TRDN: variants seen among roughly 807,000 people sequenced by gnomAD.
TRDN encodes the protein triadin, also known as triadin in skeletal muscle.
A neutral mutation model predicts 149.7 loss-of-function variants in TRDN; 161 were observed. The ratio of observed to expected loss-of-function variants is 1.08; its 90% CI spans 0.95 to 1.23. The LOEUF is 1.23. TRDN is among the 50% of genes most tolerant of loss of function. The pLI is 0.00. For missense variants in TRDN, 896 were observed against 823.5 expected (o/e 1.09, Z -1.08); for synonymous variants, 294 against 250.5 (o/e 1.17, Z -1.64).
intron 24 of TRDN, among the ~76,000 whole-genome samples, chr6:123,287,102 G>A (rs1777829716): frequency 1.3e-5 from 2 of 152,070 alleles, no homozygotes; most frequent in African/African-American, 4.8e-5. Context: ...AGAGTGCAAA[G>A]AGGTCTTAAT....
At chr6:123,560,860 A>G (rs1363879223) in intron 2 of TRDN, among the ~76,000 whole-genome samples, 3 of 152,166 alleles carry the variant, frequency 2.0e-5, no homozygotes, top group Non-Finnish European at 4.4e-5. Flanking sequence ...TCCGCCTTTT[A>G]GAACCTCTCA....
rs1562237485 is a variant in TRDN, at chr6:123,266,447, G to GATATGTATTATATATAATATATAT, written c.1784-1110_1784-1109insATATATATTATATATAATACATAT. On this transcript the variant is annotated intron_variant, in intron 32 of 40. Transcript: ENST00000334268. The stretch of plus-strand genomic sequence containing the variant: ...TGATATGTATTATATATAATATATA[G>GATATGTATTATATATAATATATAT]ATTATGATATGTATTATATATAATA... Among the ~76,000 whole-genome samples, 32 of 40,772 alleles carry GATATGTATTATATATAATATATAT rather than the reference G, an allele frequency of 7.8e-4. 12 individuals are homozygous for GATATGTATTATATATAATATATAT. The highest frequency in any genetic ancestry group is 9.0e-4 in the Non-Finnish European group (26 of 28,866). The allele number at this position is 40,772 out of a possible 152,430, so 26.7% of individuals were successfully genotyped here.
intron 12 of TRDN, among the ~76,000 whole-genome samples, chr6:123,427,883 A>T (rs1450745634): frequency 1.3e-5 from 2 of 152,194 alleles, no homozygotes; most frequent in Non-Finnish European, 2.9e-5. Flanking sequence ...TAGTGAATGA[A>T]ACCTGCAATT....
At chr6:123,536,908 A>C (rs1780572566) in intron 4 of TRDN, among the ~76,000 whole-genome samples, 1 of 151,822 alleles carries the variant, frequency 6.6e-6, no homozygotes, top group Admixed American at 6.6e-5. Context: ...AATAAAAGAG[A>C]AAACAGAAAA....
At chr6:123,585,381 C>T (rs1464101182) in intron 1 of TRDN, among the ~76,000 whole-genome samples, 1 of 151,922 alleles carries the variant, frequency 6.6e-6, no homozygotes, top group African/African-American at 2.4e-5. Context: ...CATCAATACC[C>T]ACAACAGTTA....
chr6:123,471,277 A>C (rs1192329663), intron 9 of TRDN: 4 of 152,202 alleles, frequency 2.6e-5, no homozygotes, highest in Admixed American at 6.5e-5. Flanking sequence ...ACAGTGCCAT[A>C]ATAAGGGCAG....
chr6:123,499,719 A>AATATATATATATATATATAT (rs71272328), intron 8 of TRDN, among the ~76,000 whole-genome samples: 25 of 47,576 alleles, frequency 5.3e-4, no homozygotes, highest in Non-Finnish European at 8.1e-4. Context: ...AAAAAAAAAA[A>AATATATATATATATATATAT]ATATATATAT....
chr6:123,621,148 C>T (rs1785361687), intron 1 of TRDN, among the ~76,000 whole-genome samples: 1 of 152,108 alleles, frequency 6.6e-6, no homozygotes, highest in Non-Finnish European at 1.5e-5. Flanking sequence ...TACATTGCTG[C>T]CCATACAGTC....
At chr6:123,279,151 A>C (rs956931204) in intron 24 of TRDN, 69 bp from the exon 25 acceptor site, 104 of 1,198,716 alleles carry the variant, frequency 8.7e-5, no homozygotes, top group Non-Finnish European at 1.2e-4. Context: ...ATTATTGAAT[A>C]TGATATAATA....
intron 24 of TRDN, among the ~76,000 whole-genome samples, chr6:123,284,765 C>G (rs1465678145): frequency 6.6e-6 from 1 of 151,836 alleles, no homozygotes; most frequent in East Asian, 1.9e-4. Context: ...CCCAGAAAAC[C>G]CTAGACTTCT....
chr6:123,334,473 G>T (rs575144486), intron 22 of TRDN, among the ~76,000 whole-genome samples: 1 of 152,144 alleles, frequency 6.6e-6, no homozygotes, highest in Non-Finnish European at 1.5e-5. Flanking sequence ...ACTCAGATAT[G>T]TCAGACCAGG....
intron 21 of TRDN, chr6:123,352,043 A>C (rs1753346212): frequency 7.2e-6 from 7 of 978,340 alleles, no homozygotes; most frequent in Non-Finnish European, 8.5e-6. Context: ...CTCTTGGGAG[A>C]ATGGTTGAAG....
At chr6:123,332,033 G>A (rs939800559) in intron 22 of TRDN, 104 bp from the exon 23 acceptor site, 1 of 835,638 alleles carries the variant, frequency 1.2e-6, no homozygotes, top group South Asian at 2.0e-5. Flanking sequence ...CTGAAAGTAA[G>A]TGGAAACTTT....
intron 9 of TRDN, chr6:123,470,439 T>C (rs1777090049): frequency 1.3e-5 from 2 of 152,166 alleles, no homozygotes. Flanking sequence ...ATGGTGAAGA[T>C]AGGGCCATAT....
intron 12 of TRDN, among the ~76,000 whole-genome samples, chr6:123,412,176 G>A (rs899975388): frequency 6.6e-6 from 1 of 151,968 alleles, no homozygotes; most frequent in Admixed American, 6.6e-5. Context: ...GTTATTAGAC[G>A]AACACAGGAC....
rs371476912 is a variant in TRDN, at chr6:123,284,886, C to T, written c.1511-5804G>A. 1.2e-4 allele frequency among the ~76,000 whole-genome samples: 19 copies of T among 152,056 alleles called. 1 individual carries two copies. Among genetic ancestry groups the T allele is most frequent in the African/African-American group, 2.9e-4 (12 of 41,488 alleles). On this transcript the variant is annotated intron_variant, in intron 24 of 40. Transcript: ENST00000334268. ...TACCAGCAGTGACCAAGCTGAGACTCGAATCAAGAACTTGACCTCTTTTAC... is the reference window on the plus strand; with the variant it reads ...TACCAGCAGTGACCAAGCTGAGACTTGAATCAAGAACTTGACCTCTTTTAC...
intron 2 of TRDN, among the ~76,000 whole-genome samples, chr6:123,557,795 G>A (rs985224372): frequency 1.3e-5 from 2 of 151,244 alleles, no homozygotes; most frequent in Non-Finnish European, 3.0e-5. Context: ...CTTTCCTGGG[G>A]GGCAAGCACC....
At chr6:123,326,575 TTAA>T (rs1779464841) in intron 23 of TRDN, among the ~76,000 whole-genome samples, 1 of 151,950 alleles carries the variant, frequency 6.6e-6, no homozygotes, top group South Asian at 2.1e-4. Context: ...ACACCTACTA[TTAA>T]TGTTTGGTTT....
At chr6:123,497,582 C>G (rs1367681071) in intron 8 of TRDN, among the ~76,000 whole-genome samples, 1 of 152,038 alleles carries the variant, frequency 6.6e-6, no homozygotes, top group Admixed American at 6.6e-5. Flanking sequence ...CAATTTTTCC[C>G]ATTTGTCATT....
Sources: gnomAD v4.1 joint callset for allele counts (sites outside exome capture counted in the v4.1 genomes callset) on GRCh38, gnomAD v4.1.1 for gene constraint, MANE v1.5 for transcripts, NCBI Gene and HGNC (gene_info 2026-07-23, HGNC 2026-07-21) for gene names.